Variants in CRACD observed in about 807,000 individuals in gnomAD.
The protein encoded by CRACD is capping protein-inhibiting regulator of actin dynamics.
In CRACD, 56 loss-of-function variants were observed where a neutral mutation model predicts 106.8. The observed-to-expected ratio is 0.52, with a 90% confidence interval of 0.42 to 0.66. The LOEUF is 0.66. Ranked by LOEUF, CRACD falls within the 30% of genes least tolerant of loss-of-function variation. CRACD has a pLI of 0.00. For missense variants in CRACD, 1,730 were observed against 1,623.2 expected, an observed-to-expected ratio of 1.07 and a Z score of -1.13; for synonymous variants, 754 against 670.8, an observed-to-expected ratio of 1.12 and a Z score of -1.92.
intron 1 of CRACD, among the ~76,000 whole-genome samples, chr4:56,112,535 ACCTC>A (rs1341794976): frequency 2.6e-5 from 4 of 151,906 alleles, no homozygotes; most frequent in African/African-American, 9.7e-5. Flanking sequence ...AGTTGGGGGG[ACCTC>A]TTCCAGACCC....
intron 2 of CRACD, among the ~76,000 whole-genome samples, chr4:56,197,059 T>C (rs1004236017): frequency 6.6e-6 from 1 of 152,192 alleles, no homozygotes; most frequent in Non-Finnish European, 1.5e-5. Flanking sequence ...GGGGATTTAG[T>C]TAACATCATC....
intron 8 of CRACD, among the ~76,000 whole-genome samples, chr4:56,317,397 C>T (rs1745746535): frequency 6.6e-6 from 1 of 152,168 alleles, no homozygotes; most frequent in Non-Finnish European, 1.5e-5. Flanking sequence ...AAATGCTGAC[C>T]AACTCTGCAG....
At chr4:56,110,960 A>T (rs762815049) in intron 1 of CRACD, among the ~76,000 whole-genome samples, 6 of 152,228 alleles carry the variant, frequency 3.9e-5, no homozygotes, top group Non-Finnish European at 8.8e-5. Context: ...TTGCATACAT[A>T]AAAAACAAAA....
intron 4 of CRACD, among the ~76,000 whole-genome samples, chr4:56,302,077 G>A (rs144754490): frequency 6.6e-6 from 1 of 152,114 alleles, no homozygotes; most frequent in African/African-American, 2.4e-5. Flanking sequence ...ATGGCTTTGG[G>A]TGAAGTCGTT....
In CRACD at chr4:56,289,855, T is replaced by C. The variant is rs563429806; in HGVS notation, c.-16-8359T>C. ...GAAATCCAAACATCTGTAAACACTG[T>C]ATTAAGCCGTGTCAATAGGAGCCAG... On this transcript the variant is annotated intron_variant, in intron 3 of 10. Coordinates refer to ENST00000682029, the MANE Select transcript of CRACD (RefSeq NM_001393381.1). Among the ~76,000 whole-genome samples, 15 of 152,340 alleles carry C rather than the reference T, an allele frequency of 9.8e-5. No homozygotes were observed. The East Asian group carries it at 2.9e-3, about 29-fold the overall frequency.
intron 1 of CRACD, among the ~76,000 whole-genome samples, chr4:56,106,927 C>T (rs972582086): frequency 1.3e-5 from 2 of 152,112 alleles, no homozygotes; most frequent in African/African-American, 2.4e-5. Flanking sequence ...TGAAACTTGC[C>T]AGCTGTGCAC....
At chr4:56,158,671 C>G (rs902729863) in intron 1 of CRACD, among the ~76,000 whole-genome samples, 2 of 152,154 alleles carry the variant, frequency 1.3e-5, no homozygotes, top group African/African-American at 2.4e-5. Flanking sequence ...TATGTCAACA[C>G]AGAGAGGAGA....
chr4:56,183,235 A>AAAAATAAAATAAAATAAATAAAAT (rs1736920203), intron 2 of CRACD, among the ~76,000 whole-genome samples: 1 of 124,394 alleles, frequency 8.0e-6, no homozygotes, highest in African/African-American at 3.2e-5. Context: ...CTCCGTCTCA[A>AAAAATAAAATAAAATAAATAAAAT]AAAATAAAAT....
At chr4:56,275,151 G>A (rs1404502650) in intron 3 of CRACD, among the ~76,000 whole-genome samples, 1 of 152,178 alleles carries the variant, frequency 6.6e-6, no homozygotes. Context: ...TGAGTGGGGG[G>A]AAAGGAGCAG....
At chr4:56,110,869 T>C (rs1242641273) in intron 1 of CRACD, among the ~76,000 whole-genome samples, 1 of 152,206 alleles carries the variant, frequency 6.6e-6, no homozygotes, top group East Asian at 1.9e-4. Flanking sequence ...AGTGCTGGGA[T>C]TACAGGTGTG....
intron 2 of CRACD, among the ~76,000 whole-genome samples, chr4:56,219,986 G>A (rs144599153): frequency 5.6e-4 from 85 of 152,190 alleles, no homozygotes; most frequent in African/African-American, 2.0e-3. Context: ...AAACTAATTG[G>A]GAGTATTTGG....
chr4:56,210,494 T>C (rs1577742886), intron 2 of CRACD, among the ~76,000 whole-genome samples: 1 of 152,348 alleles, frequency 6.6e-6, no homozygotes, highest in South Asian at 2.1e-4. Context: ...TTACCTCTTT[T>C]ATGCTTAAAA....
At chr4:56,152,134 C>T (rs1217863044) in intron 1 of CRACD, among the ~76,000 whole-genome samples, 9 of 151,380 alleles carry the variant, frequency 5.9e-5, no homozygotes, top group East Asian at 5.9e-4. Context: ...CTCAGCCTCC[C>T]GAGTAGCTGG....
chr4:56,291,188 A>G (rs1743681806), intron 3 of CRACD, among the ~76,000 whole-genome samples: 1 of 152,210 alleles, frequency 6.6e-6, no homozygotes, highest in Non-Finnish European at 1.5e-5. Context: ...AGTGAGGGAA[A>G]GTTGCAGCAT....
intron 1 of CRACD, among the ~76,000 whole-genome samples, chr4:56,104,120 C>T (rs986709442): frequency 2.0e-5 from 3 of 152,156 alleles, no homozygotes; most frequent in Non-Finnish European, 4.4e-5. Context: ...AAATTGTCTT[C>T]GCGCAGTAGC....
At chr4:56,298,170 G>T in intron 3 of CRACD, 44 bp from the exon 4 acceptor site, 1 of 1,585,502 alleles carries the variant, frequency 6.3e-7, no homozygotes, top group African/African-American at 1.4e-5. Context: ...ATTGCCAAAA[G>T]AAATTTTATC....
rs35574683 is a variant in CRACD, at chr4:56,172,020, C to CTTTTTTTTTTTTTTTT, written c.-335-7249_-335-7248insTTTTTTTTTTTTTTTT. Among the ~76,000 whole-genome samples the CTTTTTTTTTTTTTTTT allele has an allele frequency of 1.0e-4, 11 of 106,390 alleles. 1 individual carries two copies. The highest frequency in any genetic ancestry group is 2.2e-4 in the East Asian group (1 of 4,512). 69.8% of individuals were successfully genotyped at this position (106,390 alleles called of 152,430 possible). A position where few individuals can be genotyped will look rare whatever the true frequency, so the allele number is the denominator to read the frequency against. ...GTGGAGGTATCTTTTGAGGGTTTCTCTTTTTTTTTTTTTTTCAACTTTACA... is the reference window on the plus strand; with the variant it reads ...GTGGAGGTATCTTTTGAGGGTTTCTCTTTTTTTTTTTTTTTTTTTTTTTTTTTTTTTCAACTTTACA... On this transcript the variant is annotated intron_variant, in intron 1 of 10. Coordinates refer to ENST00000682029, the MANE Select transcript of CRACD (RefSeq NM_001393381.1).
chr4:56,184,820 C>T (rs552864875), intron 2 of CRACD, among the ~76,000 whole-genome samples: 1 of 152,146 alleles, frequency 6.6e-6, no homozygotes, highest in South Asian at 2.1e-4. Context: ...CCTTTTTCCC[C>T]AGTAGTGGTA....
intron 6 of CRACD, among the ~76,000 whole-genome samples, chr4:56,311,807 A>G: frequency 6.6e-6 from 1 of 152,310 alleles, no homozygotes; most frequent in East Asian, 1.9e-4. Flanking sequence ...AGCTGCTGGC[A>G]TAGTGCCGCA....
Sources: allele counts gnomAD v4.1 joint callset (sites outside exome capture counted in the v4.1 genomes callset), GRCh38; gene constraint gnomAD v4.1.1; transcripts MANE v1.5; gene names NCBI Gene and HGNC (gene_info 2026-07-23, HGNC 2026-07-21).